The following CADM1 variants were observed in gnomAD, a reference collection of about 807,000 sequenced individuals.
CADM1 encodes cell adhesion molecule 1.
A neutral mutation model predicts 53.1 loss-of-function variants in CADM1; 15 were observed. The ratio of observed to expected loss-of-function variants is 0.28; its 90% CI spans 0.19 to 0.44. CADM1 has a LOEUF of 0.44. Among genes scored for constraint, CADM1 ranks in the 20% least tolerant of loss-of-function variants. The probability of loss-of-function intolerance (pLI) is 1.00; values close to 1 mark genes in which losing one functional copy is unlikely to be tolerated. For synonymous variants in CADM1, 281 were observed against 243.0 expected (o/e 1.16, Z -1.45); for missense variants, 434 against 611.3 (o/e 0.71, Z 3.06).
intron 1 of CADM1, among the ~76,000 whole-genome samples, chr11:115,407,795 G>A (rs1333638687): frequency 1.3e-5 from 2 of 149,840 alleles, no homozygotes; most frequent in African/African-American, 2.5e-5. Context: ...ACCTGAGCCT[G>A]GGGGGGTTCG....
chr11:115,435,071 A>G (rs1407822820), intron 1 of CADM1, among the ~76,000 whole-genome samples: 3 of 151,684 alleles, frequency 2.0e-5, no homozygotes, highest in African/African-American at 4.8e-5. Flanking sequence ...ATGTTGGCCA[A>G]GCTGGTCTTG....
intron 1 of CADM1, among the ~76,000 whole-genome samples, chr11:115,466,128 C>A (rs1044470038): frequency 6.6e-6 from 1 of 152,088 alleles, no homozygotes; most frequent in Admixed American, 6.6e-5. Flanking sequence ...AAACTTCCAC[C>A]ATTTCCCCCA....
intron 1 of CADM1, among the ~76,000 whole-genome samples, chr11:115,328,733 CAT>C (rs1222652729): frequency 5.4e-5 from 6 of 111,012 alleles, no homozygotes; most frequent in Admixed American, 2.1e-4. Context: ...TATGTATATA[CAT>C]ATATATATAT....
At chr11:115,466,461 G>A (rs1419196355) in intron 1 of CADM1, among the ~76,000 whole-genome samples, 1 of 152,148 alleles carries the variant, frequency 6.6e-6, no homozygotes, top group African/African-American at 2.4e-5. Flanking sequence ...AGCTGTCACA[G>A]GACAACATAA....
intron 1 of CADM1, among the ~76,000 whole-genome samples, chr11:115,246,266 C>G (rs1942404321): frequency 6.6e-6 from 1 of 152,182 alleles, no homozygotes; most frequent in Non-Finnish European, 1.5e-5. Context: ...CCTTTTTGAT[C>G]CTCTCCATGT....
At chr11:115,427,728 G>A (rs1164493763) in intron 1 of CADM1, among the ~76,000 whole-genome samples, 1 of 151,936 alleles carries the variant, frequency 6.6e-6, no homozygotes, top group Non-Finnish European at 1.5e-5. Context: ...TAATTAAAGG[G>A]CCAGGCACGG....
intron 1 of CADM1, among the ~76,000 whole-genome samples, chr11:115,249,283 G>T (rs1327819809): frequency 6.6e-6 from 1 of 152,196 alleles, no homozygotes; most frequent in Admixed American, 6.5e-5. Context: ...GAAACATTAA[G>T]TGACTGCTTT....
chr11:115,209,471 T>C, intron 8 of CADM1, 103 bp downstream of exon 8: 1 of 1,548,424 alleles, frequency 6.5e-7, no homozygotes, highest in South Asian at 1.2e-5. Flanking sequence ...AAAGGAACGA[T>C]TAAATTCCAA....
chr11:115,313,567 G>A (rs1944585494), intron 1 of CADM1, among the ~76,000 whole-genome samples: 1 of 152,078 alleles, frequency 6.6e-6, no homozygotes, highest in African/African-American at 2.4e-5. Context: ...TAACTGACTG[G>A]GAAAAACCTA....
At chr11:115,302,716 CAGGGTGACAAAAATAA>C (rs1363334442) in intron 1 of CADM1, among the ~76,000 whole-genome samples, 1 of 151,816 alleles carries the variant, frequency 6.6e-6, no homozygotes, top group Non-Finnish European at 1.5e-5. Context: ...TATAGGTAAC[CAGGGTGACAAAAATAA>C]AGGAGGCAAC....
intron 10 of CADM1, chr11:115,179,010 T>C: frequency 1.8e-6 from 1 of 542,674 alleles, no homozygotes; most frequent in Non-Finnish European, 3.4e-6. Context: ...GGTTAATGCA[T>C]GTGGAACAAG....
At chr11:115,312,595 C>T (rs1283708021) in intron 1 of CADM1, among the ~76,000 whole-genome samples, 2 of 152,218 alleles carry the variant, frequency 1.3e-5, no homozygotes, top group East Asian at 3.9e-4. Flanking sequence ...AATAAAATTA[C>T]ATTCTACATA....
intron 1 of CADM1, among the ~76,000 whole-genome samples, chr11:115,273,443 T>C (rs1277125386): frequency 6.6e-6 from 1 of 152,334 alleles, no homozygotes; most frequent in South Asian, 2.1e-4. Flanking sequence ...CAAGAAGTCA[T>C]ACCAGATATC....
intron 1 of CADM1, among the ~76,000 whole-genome samples, chr11:115,401,522 C>T (rs992367187): frequency 6.6e-6 from 1 of 152,026 alleles, no homozygotes; most frequent in African/African-American, 2.4e-5. Context: ...GCAGAAGAAT[C>T]GCTTGAACCC....
intron 1 of CADM1, among the ~76,000 whole-genome samples, chr11:115,308,211 T>TATATATATTTACAC (rs139012671): frequency 1.4e-5 from 2 of 139,384 alleles, no homozygotes; most frequent in Non-Finnish European, 3.1e-5. Flanking sequence ...TATATATATA[T>TATATATATTTACAC]ACACACCTAT....
chr11:115,380,330 C>G (rs945429890), intron 1 of CADM1, among the ~76,000 whole-genome samples: 1 of 152,184 alleles, frequency 6.6e-6, no homozygotes, highest in African/African-American at 2.4e-5. Flanking sequence ...TCAGCCCTCG[C>G]ATGCCAGTCC....
chr11:115,202,571 G>C (rs1040078345), intron 8 of CADM1, among the ~76,000 whole-genome samples: 2 of 152,076 alleles, frequency 1.3e-5, no homozygotes, highest in African/African-American at 4.8e-5. Context: ...CTCAAAACCA[G>C]AGCTTAATTG....
intron 1 of CADM1, among the ~76,000 whole-genome samples, chr11:115,325,429 G>A (rs973714892): frequency 6.6e-6 from 1 of 152,030 alleles, no homozygotes; most frequent in African/African-American, 2.4e-5. Context: ...TGAAGAGAAG[G>A]GTGTGTCTTG....
chr11:115,398,177 G>A (rs1947051299), intron 1 of CADM1, among the ~76,000 whole-genome samples: 1 of 152,202 alleles, frequency 6.6e-6, no homozygotes. Flanking sequence ...ATCATTGGGG[G>A]AAAGTAATTT....
Sources: gnomAD v4.1 joint callset for allele counts (sites outside exome capture counted in the v4.1 genomes callset) on GRCh38, gnomAD v4.1.1 for gene constraint, MANE v1.5 for transcripts, NCBI Gene and HGNC (gene_info 2026-07-23, HGNC 2026-07-21) for gene names.